Variants in MED22 observed in about 807,000 individuals in gnomAD.
MED22 encodes the protein mediator complex subunit 22.
A neutral mutation model predicts 22.7 loss-of-function variants in MED22; 22 were observed. The observed-to-expected ratio is 0.97, with a 90% CI of 0.69 to 1.38. MED22 has a LOEUF of 1.38. Among genes scored for constraint, MED22 ranks in the 40% most tolerant of loss-of-function variants. The probability of loss-of-function intolerance (pLI) is 0.00; values close to 1 mark genes in which losing one functional copy is unlikely to be tolerated. For synonymous variants in MED22, 134 were observed against 119.4 expected, an observed-to-expected ratio of 1.12 and a Z score of -0.80; for missense variants, 247 against 263.0, an observed-to-expected ratio of 0.94 and a Z score of 0.42.
chr9:133,342,827 C>T (rs1588678705), intron 4 of MED22: 1 of 985,632 alleles, frequency 1.0e-6, no homozygotes, highest in Non-Finnish European at 1.2e-6. Context: ...GGTTTGCGCC[C>T]TGCTCTGCTG....
At chr9:133,345,810 G>A (rs145665221) in intron 2 of MED22, among the ~76,000 whole-genome samples, 8 of 152,320 alleles carry the variant, frequency 5.3e-5, no homozygotes, top group African/African-American at 1.4e-4. Flanking sequence ...CAAAGGCTCA[G>A]TTCGGGGTGG....
intron 1 of MED22, 134 bp from the exon 2 acceptor site, chr9:133,346,834 T>C (rs1490371062): frequency 1.2e-6 from 1 of 843,182 alleles, no homozygotes; most frequent in Admixed American, 2.9e-5. Flanking sequence ...GAAACACAGA[T>C]GAACTCATTC....
At chr9:133,342,136 G>A (rs181640414) in intron 4 of MED22, 1 of 1,015,632 alleles carries the variant, frequency 9.8e-7, no homozygotes, top group East Asian at 1.1e-4. Context: ...TTCTTTCTGG[G>A]TCTGTCCCTG....
intron 4 of MED22, chr9:133,342,937 G>A: frequency 2.0e-6 from 2 of 985,746 alleles, no homozygotes; most frequent in Non-Finnish European, 2.4e-6. Flanking sequence ...CTCAGGGACG[G>A]TGGCTGCCTC....
rs2129942442 is a variant in MED22, at chr9:133,339,308, C to T, written c.*2197G>A. On this transcript the variant is annotated 3_prime_UTR_variant, in exon 5 of 5. Coordinates refer to ENST00000343730, the MANE Select transcript of MED22 (RefSeq NM_133640.5). The stretch of plus-strand genomic sequence containing the variant: ...AGAGCCGAGAGAGCTTCCTGAAACG[C>T]GTGAAGGAAAATGATCAGAAAAAGA... The T allele has an allele frequency of 3.2e-4, 225 of 705,194 alleles. No individual in the cohort carries two copies. Among genetic ancestry groups the T allele is most frequent in the African/African-American group, 2.7e-3 (152 of 56,974 alleles). 43.7% of individuals were successfully genotyped at this position (705,194 alleles called of 1,614,324 possible). A position where few individuals can be genotyped will look rare whatever the true frequency, so the allele number is the denominator to read the frequency against.
chr9:133,341,428 A>T lies in MED22; in HGVS notation c.*77T>A, dbSNP rs1263923632. On this transcript the variant is annotated 3_prime_UTR_variant, in exon 5 of 5. Transcript: ENST00000343730. ...AGTCCCCAAATGGGAACCTAGGCTG[A>T]GAGAAGCAAGGCTGTGAGGGCATCC... 2.2e-6 allele frequency: 3 copies of T among 1,388,386 alleles called. No homozygotes were observed. The highest frequency in any genetic ancestry group is 2.8e-6 in the Non-Finnish European group (3 of 1,068,432). The allele number at this position is 1,388,386 out of a possible 1,614,324, so 86.0% of individuals were successfully genotyped here.
intron 4 of MED22, chr9:133,343,141 C>T (rs2129955855): frequency 9.6e-7 from 1 of 1,038,232 alleles, no homozygotes; most frequent in East Asian, 7.8e-5. Flanking sequence ...AGCAGTGCCA[C>T]TGAGCCCAGG....
In MED22 at chr9:133,341,685, A is replaced by G; in HGVS notation, c.423T>C (p.Leu141=). 1 of 1,607,940 alleles carries G rather than the reference A, an allele frequency of 6.2e-7. No homozygotes were observed. The highest frequency in any genetic ancestry group is 8.5e-7 in the Non-Finnish European group (1 of 1,177,294). The change falls in exon 5 of 5, where the codon CTT becomes CTC. Residue 141 remains leucine, a synonymous_variant. Coordinates refer to ENST00000343730, the MANE Select transcript of MED22 (RefSeq NM_133640.5). The part of the protein sequence containing the change: ...EEEYYSSSSS[L]CEANDLPLCE... ...ACAGAGGCAGGTCATTAGCTTCGCA[A>G]AGGCTTGAGCTTTTCCACCACCAGA...
rs2129948608 is a variant in MED22 at position 133,341,499 on chromosome 9, G to A, written c.*6C>T. 1.2e-4 allele frequency: 179 copies of A among 1,486,862 alleles called. 1 individual carries two copies. Among genetic ancestry groups the A allele is most frequent in the South Asian group, 1.2e-3 (82 of 70,990 alleles). The allele number at this position is 1,486,862 out of a possible 1,614,324, so 92.1% of individuals were successfully genotyped here. On this transcript the variant is annotated 3_prime_UTR_variant, in exon 5 of 5. Transcript: ENST00000343730. ...GTTCCTGAGAACGAAGCGTGGCCCCGGAGGCTCAGGCGTGCTCAGTGGGGC... is the reference window on the plus strand; with the variant it reads ...GTTCCTGAGAACGAAGCGTGGCCCCAGAGGCTCAGGCGTGCTCAGTGGGGC...
At chr9:133,347,871 G>GC (rs1836241647) in intron 1 of MED22, 51 bp downstream of exon 1, 1 of 13,342 alleles carries the variant, frequency 7.5e-5, no homozygotes, top group African/African-American at 3.0e-4. Context: ...CCCCACTCCC[G>GC]CCCACACACC....
At chr9:133,346,989 G>A (rs2129970630) in intron 1 of MED22, among the ~76,000 whole-genome samples, 5 of 152,274 alleles carry the variant, frequency 3.3e-5, no homozygotes, top group South Asian at 2.1e-4. Flanking sequence ...GTCCCAGGGA[G>A]CCCTGCAAAC....
Position 133,344,325 on chromosome 9 carries a change from G to C in MED22, c.213C>G (p.Ala71=), listed in dbSNP as rs929647031. Residue 71 remains alanine (A), a synonymous_variant, in exon 4 of 5, where the codon GCC becomes GCG. Transcript: ENST00000343730. ...ACACCAGCTTCATCAGGGACTCGCC[G>C]GCTCGGACCTGTGGCCATCAGAACC... ...MHVRAANIVR[A]GESLMKLVSD... is the part of the protein sequence containing the mutation. 13 of 1,613,906 alleles carry C rather than the reference G, an allele frequency of 8.1e-6. No homozygotes were observed. The highest frequency in any genetic ancestry group is 1.0e-5 in the Non-Finnish European group (12 of 1,180,004).
rs2129963620 is a variant in MED22, at chr9:133,345,105, A to C, written c.204+67T>G. 8 of 1,516,248 alleles carry C rather than the reference A, an allele frequency of 5.3e-6. No homozygotes were observed. The African/African-American group carries it at 1.1e-4, about 21-fold the overall frequency. The allele number at this position is 1,516,248 out of a possible 1,614,324, so 93.9% of individuals were successfully genotyped here. ...CCAGCCCCAGAGCCCCCTCCACTCC[A>C]CCCAGGAAACCTGAGGGGACTGATG... On this transcript the variant is annotated intron_variant, in intron 3 of 4. Coordinates refer to ENST00000343730, the MANE Select transcript of MED22 (RefSeq NM_133640.5).
intron 4 of MED22, chr9:133,343,856 C>T: frequency 7.1e-7 from 1 of 1,413,488 alleles, no homozygotes; most frequent in East Asian, 2.5e-5. Flanking sequence ...AGCCAGGCGC[C>T]TCCCTTCTCC....
chr9:133,347,825 G>A, intron 1 of MED22, 97 bp downstream of exon 1: 1 of 219,850 alleles, frequency 4.5e-6, no homozygotes, highest in East Asian at 1.3e-4. Context: ...CGCAGGAAAG[G>A]GGATCTCCGA....
In MED22 at chr9:133,343,191, T is replaced by G. The variant is rs2129956000; in HGVS notation, c.413+934A>C. The G allele has an allele frequency of 0.021, 23,429 of 1,098,642 alleles. 2,704 individuals are homozygous for G. The African/African-American group carries it at 0.29, about 14-fold the overall frequency. The allele number at this position is 1,098,642 out of a possible 1,614,324, so 68.1% of individuals were successfully genotyped here. On this transcript the variant is annotated intron_variant, in intron 4 of 4. Coordinates refer to ENST00000343730, the MANE Select transcript of MED22 (RefSeq NM_133640.5). ...CCCCAGGTCATGCTGGCTCTGGATA[T>G]CTGTGGCTCCCAGCATGGCCAATGG... is the stretch of plus-strand genomic sequence containing the variant.
rs1342002392 is a variant in MED22 at position 133,341,670 on chromosome 9, G to T, written c.438C>A (p.Asp146Glu). The change falls in exon 5 of 5, where the codon GAC (aspartate) becomes GAA (glutamate). Residue 146 changes from aspartate (D) to glutamate (E), a missense_variant. Transcript: ENST00000343730. ...SSSSSLCEAN[D>E]LPLCEAYGRL... The stretch of plus-strand genomic sequence containing the variant: ...TCCCGTAAGCTTCGCACAGAGGCAG[G>T]TCATTAGCTTCGCAAAGGCTTGAGC... The T allele has an allele frequency of 1.2e-6, 2 of 1,608,178 alleles. No homozygotes were observed. The highest frequency in any genetic ancestry group is 4.5e-5 in the East Asian group (2 of 44,194).
At position 133,344,319 on chromosome 9, in the gene MED22, C is replaced by A. The variant is rs2129961376; in HGVS notation, c.219G>T (p.Glu73Asp). Residue 73 changes from glutamate (E) to aspartate (D), a missense_variant, in exon 4 of 5, where the codon GAG becomes GAT. Transcript: ENST00000343730. The stretch of plus-strand genomic sequence containing the variant: ...GGTCGGACACCAGCTTCATCAGGGA[C>A]TCGCCGGCTCGGACCTGTGGCCATC... ...VRAANIVRAG[E>D]SLMKLVSDLK... 6.2e-7 allele frequency: 1 copy of A among 1,614,064 alleles called. No homozygotes were observed. Among genetic ancestry groups the A allele is most frequent in the Non-Finnish European group, 8.5e-7 (1 of 1,180,000 alleles).
intron 3 of MED22, 72 bp from the exon 4 acceptor site, chr9:133,344,405 T>TG: frequency 6.6e-7 from 1 of 1,517,008 alleles, no homozygotes; most frequent in South Asian, 1.1e-5. Context: ...TAGCTGATGC[T>TG]GGGCAAGGGA....
Sources: gnomAD v4.1 joint callset for allele counts (sites outside exome capture counted in the v4.1 genomes callset) on GRCh38, gnomAD v4.1.1 for gene constraint, MANE v1.5 for transcripts, NCBI Gene and HGNC (gene_info 2026-07-23, HGNC 2026-07-21) for gene names.